SYN2: variants seen among roughly 807,000 people sequenced by gnomAD.
SYN2 encodes synapsin II.
In SYN2, 19 loss-of-function variants were observed where a neutral mutation model predicts 50.9. The ratio of observed to expected loss-of-function variants is 0.37; its 90% CI spans 0.26 to 0.55. The LOEUF is 0.55. Ranked by LOEUF, SYN2 falls within the 20% of genes least tolerant of loss-of-function variation. The pLI, the probability that SYN2 is intolerant of heterozygous loss-of-function variation, is 0.81. For synonymous variants in SYN2, 255 were observed against 224.9 expected, an observed-to-expected ratio of 1.13 and a Z score of -1.20; for missense variants, 587 against 576.4, an observed-to-expected ratio of 1.02 and a Z score of -0.19.
intron 1 of SYN2, among the ~76,000 whole-genome samples, chr3:12,117,559 AC>A (rs1216716365): frequency 2.6e-5 from 4 of 152,186 alleles, no homozygotes; most frequent in African/African-American, 7.2e-5. Flanking sequence ...TTAGAGAGGA[AC>A]CAGGAGACAG....
chr3:12,026,740 G>C (rs1277365326), intron 1 of SYN2, among the ~76,000 whole-genome samples: 4 of 152,312 alleles, frequency 2.6e-5, no homozygotes, highest in East Asian at 1.9e-4. Context: ...GAGCCACTTT[G>C]TAAAGAGACT....
At chr3:12,084,082 T>C (rs1559413244) in intron 1 of SYN2, among the ~76,000 whole-genome samples, 1 of 152,214 alleles carries the variant, frequency 6.6e-6, no homozygotes, top group East Asian at 1.9e-4. Flanking sequence ...AAACTCTTCA[T>C]TGATCAGGAA....
At chr3:12,131,835 T>C (rs1185641314) in intron 1 of SYN2, among the ~76,000 whole-genome samples, 2 of 152,136 alleles carry the variant, frequency 1.3e-5, no homozygotes, top group Admixed American at 1.3e-4. Context: ...ATTGCTGCTT[T>C]TCTTAAGAGA....
chr3:12,050,418 T>TC (rs1694831178), intron 1 of SYN2, among the ~76,000 whole-genome samples: 1 of 148,440 alleles, frequency 6.7e-6, no homozygotes, highest in African/African-American at 2.5e-5. Context: ...CGATCTTGGC[T>TC]CACTGCAACC....
intron 5 of SYN2, chr3:12,153,785 T>C (rs1264418153): frequency 7.2e-6 from 11 of 1,528,678 alleles, no homozygotes; most frequent in Admixed American, 1.7e-5. Context: ...TTCAGATTCC[T>C]ACGTACCTTT....
intron 1 of SYN2, chr3:12,070,907 A>G (rs1695337839): frequency 5.3e-6 from 3 of 561,932 alleles, no homozygotes; most frequent in Middle Eastern, 3.1e-4. Context: ...CTGGACTTCG[A>G]ACAGGAGATG....
chr3:12,147,883 G>T (rs1411095877), intron 4 of SYN2, among the ~76,000 whole-genome samples: 3 of 152,142 alleles, frequency 2.0e-5, no homozygotes, highest in African/African-American at 7.2e-5. Context: ...GGAGGCTGAG[G>T]CAGGCACATC....
rs1459035541 is a variant in SYN2, at chr3:12,136,549, C to CA, written c.378-4102_378-4101insA. Among the ~76,000 whole-genome samples the CA allele has an allele frequency of 3.7e-4, 57 of 152,314 alleles. No individual in the cohort carries two copies. The South Asian group carries it at 9.1e-3, about 24-fold the overall frequency. On this transcript the variant is annotated intron_variant, in intron 1 of 12. Transcript: ENST00000621198. ...ATGCATAAAAGAGGGCGTATTTAAG[C>CA]TAGGCTTGCCTGGGTTGGGCCAAGT...
intron 10 of SYN2, among the ~76,000 whole-genome samples, chr3:12,170,202 C>G (rs1305320344): frequency 6.6e-6 from 1 of 152,216 alleles, no homozygotes; most frequent in Admixed American, 6.5e-5. Flanking sequence ...CCAGTTTCTC[C>G]TGGGACTCAG....
At chr3:12,035,468 A>G (rs1694478753) in intron 1 of SYN2, among the ~76,000 whole-genome samples, 1 of 152,236 alleles carries the variant, frequency 6.6e-6, no homozygotes, top group Non-Finnish European at 1.5e-5. Context: ...AAGGTGAGGC[A>G]TTTATTGCAG....
At chr3:12,124,973 A>G (rs1176810570) in intron 1 of SYN2, among the ~76,000 whole-genome samples, 1 of 152,194 alleles carries the variant, frequency 6.6e-6, no homozygotes, top group Non-Finnish European at 1.5e-5. Flanking sequence ...CTGTATGACA[A>G]ATAATGAAAT....
intron 1 of SYN2, among the ~76,000 whole-genome samples, chr3:12,093,467 G>A (rs1559416916): frequency 6.6e-6 from 1 of 152,166 alleles, no homozygotes; most frequent in African/African-American, 2.4e-5. Context: ...GTGGGTCAGA[G>A]TCTGGGGCTT....
At position 12,004,580 on chromosome 3, in the gene SYN2, C is replaced by A; in HGVS notation, c.29C>A (p.Ser10Ter). 1.5e-6 allele frequency: 1 copy of A among 670,118 alleles called. No individual in the cohort carries two copies. The highest frequency in any genetic ancestry group is 1.6e-5 in the South Asian group (1 of 63,280). The allele number at this position is 670,118 out of a possible 1,614,324, so 41.5% of individuals were successfully genotyped here. The change falls in exon 1 of 13, where the codon TCG becomes TAG. Residue 10 changes from serine (S) to a stop codon, truncating the protein, a stop_gained. Transcript: ENST00000621198. LOFTEE classifies it high-confidence loss of function. MMNFLRRRLSDSSFIANLPN... is the reference protein window; with the variant it reads MMNFLRRRL ...ATGAACTTCCTGCGGCGCCGGCTGT[C>A]GGACAGCAGCTTCATCGCCAACCTG...
chr3:12,176,624 T>C (rs1698075613), intron 10 of SYN2, among the ~76,000 whole-genome samples: 1 of 152,232 alleles, frequency 6.6e-6, no homozygotes, highest in Admixed American at 6.5e-5. Flanking sequence ...GTTTCCAGTC[T>C]GAGGGTCACA....
intron 10 of SYN2, among the ~76,000 whole-genome samples, chr3:12,181,495 A>G (rs981069178): frequency 6.6e-6 from 1 of 152,254 alleles, no homozygotes; most frequent in Non-Finnish European, 1.5e-5. Context: ...AGAAGGCTAG[A>G]AAGGGCAAGC....
intron 1 of SYN2, among the ~76,000 whole-genome samples, chr3:12,090,591 G>A (rs900276092): frequency 5.3e-5 from 8 of 152,196 alleles, no homozygotes; most frequent in African/African-American, 1.9e-4. Context: ...TCAACTTTTA[G>A]TAACTGAGGC....
chr3:12,136,926 A>T (rs1201841287), intron 1 of SYN2, among the ~76,000 whole-genome samples: 2 of 152,128 alleles, frequency 1.3e-5, no homozygotes, highest in East Asian at 3.9e-4. Flanking sequence ...ATGAATTTAG[A>T]TTTATGTGAC....
intron 1 of SYN2, among the ~76,000 whole-genome samples, chr3:12,098,453 G>C (rs546542952): frequency 2.6e-5 from 4 of 152,068 alleles, no homozygotes; most frequent in African/African-American, 9.6e-5. Flanking sequence ...GAACTATATA[G>C]GAAGAAAATT....
chr3:12,018,775 T>C (rs1694072093), intron 1 of SYN2, among the ~76,000 whole-genome samples: 1 of 152,224 alleles, frequency 6.6e-6, no homozygotes, highest in Non-Finnish European at 1.5e-5. Flanking sequence ...GGGAGGACTT[T>C]GCAAACTGTA....
Sources: allele counts gnomAD v4.1 joint callset (sites outside exome capture counted in the v4.1 genomes callset), GRCh38; gene constraint gnomAD v4.1.1; transcripts MANE v1.5; gene names NCBI Gene and HGNC (gene_info 2026-07-23, HGNC 2026-07-21).